The following BBX variants were observed in gnomAD, a reference collection of about 807,000 sequenced individuals.
The protein encoded by BBX is HMG box transcription factor BBX.
Under a neutral mutation model 100.2 loss-of-function variants are expected in BBX, and 30 were observed. The ratio of observed to expected loss-of-function variants is 0.30; its 90% CI spans 0.22 to 0.41. The LOEUF (loss-of-function observed/expected upper bound fraction) is 0.41. Among genes scored for constraint, BBX ranks in the 10% least tolerant of loss-of-function variants. The pLI is 1.00. For missense variants in BBX, 1,023 were observed against 1,129.8 expected (o/e 0.91, Z 1.35); for synonymous variants, 376 against 388.1 (o/e 0.97, Z 0.37).
At chr3:107,572,105 A>T (rs1053168590) in intron 2 of BBX, among the ~76,000 whole-genome samples, 1 of 152,230 alleles carries the variant, frequency 6.6e-6, no homozygotes, top group African/African-American at 2.4e-5. Context: ...TGTTAGACTA[A>T]GAGGCTGAAA....
At chr3:107,581,305 TA>T (rs576569761) in intron 2 of BBX, among the ~76,000 whole-genome samples, 1 of 152,182 alleles carries the variant, frequency 6.6e-6, no homozygotes, top group East Asian at 1.9e-4. Flanking sequence ...AAGAGAAATT[TA>T]AGACGTTTTC....
At chr3:107,557,529 T>G (rs181924029) in intron 2 of BBX, among the ~76,000 whole-genome samples, 1 of 152,384 alleles carries the variant, frequency 6.6e-6, no homozygotes, top group Admixed American at 6.5e-5. Context: ...TTTTTGCTGG[T>G]AATCTATTTT....
chr3:107,763,730 C>G (rs546013400), intron 10 of BBX, among the ~76,000 whole-genome samples: 4 of 152,120 alleles, frequency 2.6e-5, no homozygotes, highest in Non-Finnish European at 5.9e-5. Context: ...ACATGCACAT[C>G]CTTAGGAATC....
intron 3 of BBX, among the ~76,000 whole-genome samples, chr3:107,689,575 A>G (rs1196406761): frequency 6.6e-6 from 1 of 152,198 alleles, no homozygotes; most frequent in Non-Finnish European, 1.5e-5. Context: ...AATATTTACA[A>G]AATACAAAGT....
At chr3:107,533,856 GAC>G (rs138679923) in intron 2 of BBX, among the ~76,000 whole-genome samples, 383 of 152,136 alleles carry the variant, frequency 2.5e-3, no homozygotes, top group African/African-American at 8.8e-3. Flanking sequence ...AATAAAAATA[GAC>G]AGTGTTTTCT....
intron 13 of BBX, among the ~76,000 whole-genome samples, chr3:107,780,349 G>GTT (rs1335572943): frequency 6.6e-6 from 1 of 152,084 alleles, no homozygotes; most frequent in Non-Finnish European, 1.5e-5. Context: ...CTCAGGGAAT[G>GTT]TAACAATAGA....
At chr3:107,567,513 A>T (rs665916) in intron 2 of BBX, among the ~76,000 whole-genome samples, 16,571 of 151,994 alleles carry the variant, frequency 0.11, 1,002 homozygotes, top group Non-Finnish European at 0.12. Flanking sequence ...TCCCTTCTAA[A>T]GATTTGCTTC....
chr3:107,761,358 G>A (rs542548914), intron 10 of BBX, among the ~76,000 whole-genome samples: 1 of 152,250 alleles, frequency 6.6e-6, no homozygotes, highest in South Asian at 2.1e-4. Flanking sequence ...TGAAGATTTG[G>A]GACGGTGTTA....
At position 107,597,704 on chromosome 3, in the gene BBX, A is replaced by G. The variant is rs547194180; in HGVS notation, c.-83-48132A>G. On this transcript the variant is annotated intron_variant, in intron 2 of 17. Transcript: ENST00000325805. The stretch of plus-strand genomic sequence containing the variant: ...TGATTTATCAGCTGACAACTCAATT[A>G]GGTCCTTCTCCAATTTTATTCTAAA... 3.3e-4 allele frequency among the ~76,000 whole-genome samples: 51 copies of G among 152,344 alleles called. 1 individual carries two copies. Among genetic ancestry groups the G allele is most frequent in the Admixed American group, 2.4e-3 (36 of 15,304 alleles).
chr3:107,646,079 C>T (rs2057498396), intron 3 of BBX, 170 bp downstream of exon 3: 1 of 152,152 alleles, frequency 6.6e-6, no homozygotes, highest in African/African-American at 2.4e-5. Flanking sequence ...TATTGATCTC[C>T]ATTATCAAGT....
At chr3:107,610,830 G>A (rs2054795539) in intron 2 of BBX, among the ~76,000 whole-genome samples, 1 of 147,804 alleles carries the variant, frequency 6.8e-6, no homozygotes, top group Admixed American at 6.7e-5. Flanking sequence ...CTTTTGATGG[G>A]AGAGTTTAGT....
chr3:107,766,658 A>C (rs1233582681), intron 10 of BBX, among the ~76,000 whole-genome samples: 1 of 152,210 alleles, frequency 6.6e-6, no homozygotes, highest in East Asian at 1.9e-4. Context: ...TGATTCCTCA[A>C]GGATCTAGAA....
intron 13 of BBX, among the ~76,000 whole-genome samples, chr3:107,779,290 C>G (rs1462696258): frequency 6.6e-6 from 1 of 151,784 alleles, no homozygotes; most frequent in Non-Finnish European, 1.5e-5. Flanking sequence ...TACTAAACAT[C>G]TTGCCCTTCA....
intron 2 of BBX, among the ~76,000 whole-genome samples, chr3:107,634,941 G>A (rs1338212841): frequency 6.6e-6 from 1 of 152,124 alleles, no homozygotes; most frequent in Non-Finnish European, 1.5e-5. Flanking sequence ...GTAGTTTGAA[G>A]TTTATGTTTT....
chr3:107,617,471 G>A (rs1174775006), intron 2 of BBX, among the ~76,000 whole-genome samples: 1 of 151,890 alleles, frequency 6.6e-6, no homozygotes, highest in Non-Finnish European at 1.5e-5. Flanking sequence ...GGAGAGAATT[G>A]CCATCTTCGC....
intron 2 of BBX, among the ~76,000 whole-genome samples, chr3:107,624,834 A>C (rs1292927320): frequency 6.6e-6 from 1 of 152,212 alleles, no homozygotes; most frequent in Non-Finnish European, 1.5e-5. Context: ...GTGCCATTGC[A>C]CTCCAGCCTG....
chr3:107,787,241 C>T (rs112466959), intron 13 of BBX, among the ~76,000 whole-genome samples: 3,027 of 152,242 alleles, frequency 0.02, 100 homozygotes, highest in African/African-American at 0.066. Flanking sequence ...GTGATCTACC[C>T]GCTTTGGCCC....
intron 2 of BBX, among the ~76,000 whole-genome samples, chr3:107,620,946 G>T (rs573627969): frequency 2.7e-5 from 4 of 150,446 alleles, no homozygotes; most frequent in South Asian, 4.2e-4. Flanking sequence ...GTGTGTGTGG[G>T]GGGGTGGGGG....
intron 3 of BBX, among the ~76,000 whole-genome samples, chr3:107,679,981 T>G (rs2059489894): frequency 6.6e-6 from 1 of 152,122 alleles, no homozygotes; most frequent in Admixed American, 6.6e-5. Flanking sequence ...AATGAACAGC[T>G]TCAGTAAGAA....
Sources: gnomAD v4.1 joint callset for allele counts (sites outside exome capture counted in the v4.1 genomes callset) on GRCh38, gnomAD v4.1.1 for gene constraint, MANE v1.5 for transcripts, NCBI Gene and HGNC (gene_info 2026-07-23, HGNC 2026-07-21) for gene names.